Variants in N4BP2L2 observed in about 807,000 individuals in gnomAD.
N4BP2L2 encodes the protein NEDD4-binding protein 2-like 2.
N4BP2L2 carries 50 observed loss-of-function variants against 56.2 expected under a neutral mutation model. That is an observed-to-expected ratio of 0.89 (90% CI 0.71 to 1.13). N4BP2L2 has a LOEUF of 1.13. Ranked by LOEUF, N4BP2L2 falls within the 50% of genes most tolerant of loss-of-function variation. The pLI is 0.00. For synonymous variants in N4BP2L2, 203 were observed against 223.6 expected (o/e 0.91, Z 0.82); for missense variants, 689 against 693.8 (o/e 0.99, Z 0.08).
intron 1 of N4BP2L2, among the ~76,000 whole-genome samples, chr13:32,538,144 C>G (rs889277144): frequency 1.3e-5 from 2 of 152,026 alleles, no homozygotes; most frequent in Non-Finnish European, 2.9e-5. Context: ...CTATTCCACC[C>G]AATTCTTCGT....
intron 1 of N4BP2L2, among the ~76,000 whole-genome samples, chr13:32,537,441 A>T (rs1381713822): frequency 6.6e-6 from 1 of 152,142 alleles, no homozygotes; most frequent in African/African-American, 2.4e-5. Context: ...CACATACTCA[A>T]AATGGCTGTG....
chr13:32,446,535 T>C, intron 6 of N4BP2L2: 1 of 1,292,950 alleles, frequency 7.7e-7, no homozygotes, highest in Non-Finnish European at 1.0e-6. Flanking sequence ...GCGTTATTCA[T>C]TCGATTAAAT....
chr13:32,491,930 GA>G (rs1168815311), intron 6 of N4BP2L2, among the ~76,000 whole-genome samples: 2 of 151,734 alleles, frequency 1.3e-5, no homozygotes, highest in East Asian at 3.9e-4. Flanking sequence ...GCACCCGGCC[GA>G]AAAAAGTATA....
chr13:32,534,124 G>A (rs1566192451), intron 2 of N4BP2L2, among the ~76,000 whole-genome samples: 1 of 152,030 alleles, frequency 6.6e-6, no homozygotes, highest in East Asian at 1.9e-4. Flanking sequence ...ACAACCCATT[G>A]CACAAGATTT....
intron 6 of N4BP2L2, among the ~76,000 whole-genome samples, chr13:32,486,413 C>T (rs111737217): frequency 0.045 from 6,896 of 152,170 alleles, 504 homozygotes; most frequent in African/African-American, 0.16. Flanking sequence ...TGGTGGCTCA[C>T]GCCTGTAATC....
In N4BP2L2 at chr13:32,434,297, C is replaced by T. The variant is rs532879057; in HGVS notation, c.*22-1325G>A. Among the ~76,000 whole-genome samples the T allele has an allele frequency of 1.7e-3, 251 of 147,860 alleles. 2 individuals carry two copies. Among genetic ancestry groups the T allele is most frequent in the African/African-American group, 6.0e-3 (240 of 39,884 alleles). ...TATTTTAGTAGAGACAGGGTTTCAC[C>T]GTGTTGCCCAGGCTGGTCTCGAACT... On this transcript the variant is annotated intron_variant, in intron 9 of 9. Coordinates refer to the N4BP2L2 transcript ENST00000357505.
In N4BP2L2 at chr13:32,468,541, A is replaced by C. The variant is rs76077377; in HGVS notation, c.366-24415T>G. Among the ~76,000 whole-genome samples the C allele has an allele frequency of 3.4e-3, 523 of 152,354 alleles. 5 individuals are homozygous for C. Among genetic ancestry groups the C allele is most frequent in the African/African-American group, 0.011 (465 of 41,586 alleles). On this transcript the variant is annotated intron_variant, in intron 6 of 9. Coordinates refer to the N4BP2L2 transcript ENST00000357505. ...AAATGAGAGAAAGGAGTAGCAGCTG[A>C]TATGACAGAATCAGGATCCAAATGT... is the stretch of plus-strand genomic sequence containing the variant.
chr13:32,456,758 A>G (rs2079052914), intron 6 of N4BP2L2, among the ~76,000 whole-genome samples: 1 of 152,252 alleles, frequency 6.6e-6, no homozygotes, highest in African/African-American at 2.4e-5. Context: ...GAGAACTTCC[A>G]TAATAAACTA....
At chr13:32,442,171 C>T (rs751807215) in intron 7 of N4BP2L2, among the ~76,000 whole-genome samples, 1 of 152,152 alleles carries the variant, frequency 6.6e-6, no homozygotes, top group Non-Finnish European at 1.5e-5. Context: ...ATTCTAAGTT[C>T]TCAAAGACAT....
intron 3 of N4BP2L2, chr13:32,524,006 G>T (rs138480156): frequency 6.6e-6 from 1 of 152,168 alleles, no homozygotes; most frequent in African/African-American, 2.4e-5. Flanking sequence ...AATTTTCTCA[G>T]GAGTTAGAAT....
chr13:32,495,360 T>C (rs920630920), intron 6 of N4BP2L2, among the ~76,000 whole-genome samples: 1 of 152,186 alleles, frequency 6.6e-6, no homozygotes, highest in Non-Finnish European at 1.5e-5. Flanking sequence ...AAAGGGCCCA[T>C]AGGTTCCTTC....
exon 2 of N4BP2L2, chr13:32,537,008 T>C (rs1440492132): frequency 1.3e-6 from 2 of 1,577,848 alleles, no homozygotes; most frequent in Non-Finnish European, 1.7e-6. Flanking sequence ...GAATTTACCT[T>C]CAATTTCACC....
At chr13:32,443,768 C>A in exon 7 of N4BP2L2, 1 of 1,575,680 alleles carries the variant, frequency 6.3e-7, no homozygotes, top group Non-Finnish European at 8.6e-7. Context: ...AAGTTATCAC[C>A]TTCCTTAGAG....
At chr13:32,441,266 A>T (rs1298701870) in intron 7 of N4BP2L2, among the ~76,000 whole-genome samples, 1 of 152,216 alleles carries the variant, frequency 6.6e-6, no homozygotes, top group Non-Finnish European at 1.5e-5. Context: ...AAATTCAATT[A>T]TTTCAGATAT....
At chr13:32,461,173 A>T (rs1375026055) in intron 6 of N4BP2L2, among the ~76,000 whole-genome samples, 2 of 152,228 alleles carry the variant, frequency 1.3e-5, no homozygotes, top group Non-Finnish European at 2.9e-5. Flanking sequence ...TAAAACTACC[A>T]GAAGAAAACA....
At chr13:32,466,698 C>T (rs1334320205) in intron 6 of N4BP2L2, among the ~76,000 whole-genome samples, 4 of 152,224 alleles carry the variant, frequency 2.6e-5, no homozygotes, top group African/African-American at 9.6e-5. Flanking sequence ...AAGATAGTGA[C>T]TTCCTTTAGG....
intron 6 of N4BP2L2, among the ~76,000 whole-genome samples, chr13:32,475,040 A>C (rs996586768): frequency 6.6e-6 from 1 of 152,248 alleles, no homozygotes; most frequent in Non-Finnish European, 1.5e-5. Flanking sequence ...ATCACTGGAC[A>C]CTAAAATTAT....
chr13:32,536,832 T>C, exon 2 of N4BP2L2: 1 of 1,614,096 alleles, frequency 6.2e-7, no homozygotes, highest in Non-Finnish European at 8.5e-7. Flanking sequence ...TGCAAATAAC[T>C]ATGTCCTCTG....
At chr13:32,481,340 A>G (rs757870383) in intron 6 of N4BP2L2, among the ~76,000 whole-genome samples, 3 of 152,216 alleles carry the variant, frequency 2.0e-5, no homozygotes, top group Non-Finnish European at 2.9e-5. Flanking sequence ...ATCTGCCAGC[A>G]ATGGCTCCTA....
Sources: allele counts gnomAD v4.1 joint callset (sites outside exome capture counted in the v4.1 genomes callset), GRCh38; gene constraint gnomAD v4.1.1; transcripts MANE v1.5; gene names NCBI Gene and HGNC (gene_info 2026-07-23, HGNC 2026-07-21).